Variants in RBMS3 observed in about 807,000 individuals in gnomAD.
The protein encoded by RBMS3 is RNA-binding motif, single-stranded-interacting protein 3.
RBMS3 carries 27 observed loss-of-function variants against 66.8 expected under a neutral mutation model. The observed-to-expected ratio is 0.40, with a 90% confidence interval of 0.30 to 0.56. RBMS3 has a LOEUF of 0.56. Ranked by LOEUF, RBMS3 falls within the 20% of genes least tolerant of loss-of-function variation. RBMS3 has a pLI of 0.40. For missense variants in RBMS3, 513 were observed against 549.5 expected, an observed-to-expected ratio of 0.93 and a Z score of 0.66; for synonymous variants, 188 against 183.0, an observed-to-expected ratio of 1.03 and a Z score of -0.22.
chr3:29,646,350 G>A (rs193005101), intron 4 of RBMS3, among the ~76,000 whole-genome samples: 17 of 152,234 alleles, frequency 1.1e-4, no homozygotes, highest in Admixed American at 1.0e-3. Flanking sequence ...TACAATTTCA[G>A]GTTCAATACT....
chr3:29,508,683 A>C (rs1308140696), intron 3 of RBMS3, among the ~76,000 whole-genome samples: 1 of 151,952 alleles, frequency 6.6e-6, no homozygotes, highest in Non-Finnish European at 1.5e-5. Context: ...TTTTTATAGT[A>C]GAATGATTTT....
chr3:29,473,724 C>A (rs1464058490), intron 2 of RBMS3, among the ~76,000 whole-genome samples: 1 of 152,236 alleles, frequency 6.6e-6, no homozygotes, highest in Non-Finnish European at 1.5e-5. Context: ...CCCAGTACAC[C>A]CTCCGCAGCT....
At chr3:29,671,887 A>C (rs539856838) in intron 4 of RBMS3, among the ~76,000 whole-genome samples, 7 of 152,330 alleles carry the variant, frequency 4.6e-5, no homozygotes, top group Admixed American at 4.6e-4. Flanking sequence ...GAACTTCCCC[A>C]ACCTAGCAAG....
At chr3:29,571,068 CTGA>C (rs1274573515) in intron 3 of RBMS3, among the ~76,000 whole-genome samples, 7 of 152,240 alleles carry the variant, frequency 4.6e-5, no homozygotes, top group African/African-American at 1.4e-4. Flanking sequence ...TTGCATTTCT[CTGA>C]TGATCAGTGA....
intron 6 of RBMS3, among the ~76,000 whole-genome samples, chr3:29,806,769 T>C (rs559106883): frequency 6.6e-6 from 1 of 152,082 alleles, no homozygotes; most frequent in African/African-American, 2.4e-5. Flanking sequence ...TTCAGGTATG[T>C]CATGAATTCT....
intron 1 of RBMS3, among the ~76,000 whole-genome samples, chr3:29,399,241 A>G (rs2039695467): frequency 6.6e-6 from 1 of 152,114 alleles, no homozygotes; most frequent in African/African-American, 2.4e-5. Flanking sequence ...ATAAGCAAAT[A>G]TGCATACATC....
intron 1 of RBMS3, chr3:29,390,936 G>C (rs1178883597): frequency 9.8e-6 from 2 of 204,974 alleles, no homozygotes; most frequent in Non-Finnish European, 2.3e-5. Flanking sequence ...ATCCATGACG[G>C]CTACCATGGG....
chr3:29,929,291 A>G (rs1383405358), intron 10 of RBMS3, among the ~76,000 whole-genome samples: 1 of 152,212 alleles, frequency 6.6e-6, no homozygotes, highest in Non-Finnish European at 1.5e-5. Context: ...TACTGAAAAC[A>G]CCAAAAGCTA....
At chr3:29,506,290 G>C (rs993742631) in intron 3 of RBMS3, among the ~76,000 whole-genome samples, 1 of 151,782 alleles carries the variant, frequency 6.6e-6, no homozygotes, top group Admixed American at 6.6e-5. Flanking sequence ...ATCATGAAAG[G>C]GGATTGGATT....
chr3:29,688,847 C>G (rs1314012402), intron 4 of RBMS3, among the ~76,000 whole-genome samples: 5 of 152,030 alleles, frequency 3.3e-5, no homozygotes, highest in Non-Finnish European at 5.9e-5. Flanking sequence ...TCCCAAAGTG[C>G]TGGGATTACA....
At chr3:29,844,520 A>T (rs975382677) in intron 6 of RBMS3, among the ~76,000 whole-genome samples, 2 of 152,198 alleles carry the variant, frequency 1.3e-5, no homozygotes, top group Non-Finnish European at 2.9e-5. Flanking sequence ...TCTAATCTAA[A>T]CTTTCTCCAG....
intron 7 of RBMS3, among the ~76,000 whole-genome samples, chr3:29,878,099 T>G (rs2059652294): frequency 1.3e-5 from 2 of 152,100 alleles, no homozygotes; most frequent in East Asian, 1.9e-4. Flanking sequence ...AAAAGGAGTG[T>G]GCAACCTAGA....
chr3:29,663,968 T>C (rs2050656020), intron 4 of RBMS3, among the ~76,000 whole-genome samples: 1 of 152,200 alleles, frequency 6.6e-6, no homozygotes, highest in Non-Finnish European at 1.5e-5. Flanking sequence ...AATTATCTAT[T>C]ATTGTAAACC....
intron 1 of RBMS3, among the ~76,000 whole-genome samples, chr3:29,424,450 A>C (rs764738381): frequency 5.9e-5 from 9 of 152,204 alleles, no homozygotes; most frequent in Non-Finnish European, 1.3e-4. Flanking sequence ...ATAGATGCAG[A>C]TGTGACTATG....
intron 4 of RBMS3, among the ~76,000 whole-genome samples, chr3:29,632,553 T>C (rs867921375): frequency 2.0e-5 from 3 of 152,016 alleles, no homozygotes; most frequent in Middle Eastern, 3.4e-3. Context: ...GGGAATCTTA[T>C]TCCTGTCTTG....
At chr3:29,424,725 G>C (rs2125707631) in intron 1 of RBMS3, among the ~76,000 whole-genome samples, 1 of 152,214 alleles carries the variant, frequency 6.6e-6, no homozygotes, top group Admixed American at 6.5e-5. Context: ...ATTACTGACA[G>C]TAATTTTCGT....
At chr3:29,711,497 C>A (rs941187681) in intron 4 of RBMS3, among the ~76,000 whole-genome samples, 2 of 152,050 alleles carry the variant, frequency 1.3e-5, no homozygotes, top group Non-Finnish European at 2.9e-5. Flanking sequence ...GGAGCACAGC[C>A]TAAGAGATTG....
At chr3:29,316,879 C>T (rs1053475082) in intron 1 of RBMS3, among the ~76,000 whole-genome samples, 1 of 151,482 alleles carries the variant, frequency 6.6e-6, no homozygotes, top group Non-Finnish European at 1.5e-5. Context: ...ATGTTAACAC[C>T]GTTGTTATTC....
chr3:29,927,271 C>T (rs1322947093), intron 10 of RBMS3: 2 of 152,072 alleles, frequency 1.3e-5, no homozygotes, highest in Non-Finnish European at 2.9e-5. Context: ...TCTTCTTGTC[C>T]AGTTTGAGCA....
Sources: allele counts gnomAD v4.1 joint callset (sites outside exome capture counted in the v4.1 genomes callset), GRCh38; gene constraint gnomAD v4.1.1; transcripts MANE v1.5; gene names NCBI Gene and HGNC (gene_info 2026-07-23, HGNC 2026-07-21).